GADL1: variants seen among roughly 807,000 people sequenced by gnomAD.
GADL1 encodes the protein acidic amino acid decarboxylase GADL1.
Under a neutral mutation model 69.5 loss-of-function variants are expected in GADL1, and 71 were observed. The observed-to-expected ratio is 1.02, with a 90% CI of 0.84 to 1.25. The LOEUF (loss-of-function observed/expected upper bound fraction) is 1.25. Among genes scored for constraint, GADL1 ranks in the 50% most tolerant of loss-of-function variants. The pLI, the probability that GADL1 is intolerant of heterozygous loss-of-function variation, is 0.00. For missense variants in GADL1, 737 were observed against 631.8 expected (o/e 1.17, Z -1.79); for synonymous variants, 254 against 214.4 (o/e 1.18, Z -1.62).
intron 14 of GADL1, among the ~76,000 whole-genome samples, chr3:30,754,696 GTTC>G (rs1695922715): frequency 6.6e-6 from 1 of 152,136 alleles, no homozygotes; most frequent in South Asian, 2.1e-4. Context: ...AAGAGCTCTG[GTTC>G]TTCTAAAAGC....
In GADL1 at chr3:30,844,193, G is replaced by T. The variant is rs1158771464; in HGVS notation, c.786+17C>A. On this transcript the variant is annotated intron_variant, in intron 8 of 14. Transcript: ENST00000282538. The stretch of plus-strand genomic sequence containing the variant: ...CACACACACGTTCTCTCTCCCTCTC[G>T]CTTTCTCCCCTCTCACCTCTTTTCT... 5.6e-6 allele frequency: 9 copies of T among 1,603,446 alleles called. No homozygotes were observed. The highest frequency in any genetic ancestry group is 7.7e-6 in the Non-Finnish European group (9 of 1,173,378).
rs1238699346 is a variant in GADL1, at chr3:30,792,475, A to AG, written c.1251-6070dup. Among the ~76,000 whole-genome samples the AG allele has an allele frequency of 2.4e-4, 36 of 152,094 alleles. 1 individual carries two copies. Among genetic ancestry groups the AG allele is most frequent in the Admixed American group, 2.0e-3 (30 of 15,262 alleles). ...GTGGTCCCAGCTACTCAGGAGGCTGAGGTAGGAAGGAGGATCACTTGAGCC... is the reference window on the plus strand; with the variant it reads ...GTGGTCCCAGCTACTCAGGAGGCTGAGGGTAGGAAGGAGGATCACTTGAGCC... On this transcript the variant is annotated intron_variant, in intron 12 of 14. Coordinates refer to ENST00000282538, the MANE Select transcript of GADL1 (RefSeq NM_207359.3).
intron 14 of GADL1, among the ~76,000 whole-genome samples, chr3:30,739,107 G>A (rs562180471): frequency 2.0e-5 from 3 of 152,170 alleles, no homozygotes; most frequent in Non-Finnish European, 4.4e-5. Flanking sequence ...ATTTTACATT[G>A]TAGAACCTGC....
intron 14 of GADL1, among the ~76,000 whole-genome samples, chr3:30,735,201 C>T (rs112948518): frequency 1.3e-5 from 2 of 148,228 alleles, no homozygotes; most frequent in African/African-American, 2.7e-5. Flanking sequence ...AGGGGTCACA[C>T]TATACAATTT....
chr3:30,828,658 ATAAAAT>A (rs1329503493), intron 11 of GADL1, among the ~76,000 whole-genome samples: 1 of 151,948 alleles, frequency 6.6e-6, no homozygotes, highest in Non-Finnish European at 1.5e-5. Flanking sequence ...ATGTCAATAG[ATAAAAT>A]TAGAAGGAAA....
At chr3:30,854,823 G>T in intron 3 of GADL1, 34 bp from the exon 4 acceptor site, 1 of 1,127,896 alleles carries the variant, frequency 8.9e-7, no homozygotes, top group Admixed American at 2.4e-5. Context: ...CATCTATGCA[G>T]CAATAAAAAA....
chr3:30,734,870 T>C (rs1181216188), intron 14 of GADL1, among the ~76,000 whole-genome samples: 1 of 152,190 alleles, frequency 6.6e-6, no homozygotes, highest in African/African-American at 2.4e-5. Context: ...TAGTCAATTT[T>C]GCTCCCCATT....
At chr3:30,859,484 A>C (rs1283365040) in intron 2 of GADL1, among the ~76,000 whole-genome samples, 2 of 151,842 alleles carry the variant, frequency 1.3e-5, no homozygotes, top group Non-Finnish European at 2.9e-5. Context: ...AGGGAAAGAA[A>C]ATCAGTGGTT....
chr3:30,760,278 T>A (rs1219688386), intron 14 of GADL1, among the ~76,000 whole-genome samples: 2 of 152,192 alleles, frequency 1.3e-5, no homozygotes, highest in African/African-American at 4.8e-5. Flanking sequence ...CATACCCCAG[T>A]TACTTACTGG....
intron 9 of GADL1, among the ~76,000 whole-genome samples, chr3:30,838,476 C>G (rs930229589): frequency 6.6e-6 from 1 of 152,016 alleles, no homozygotes; most frequent in African/African-American, 2.4e-5. Flanking sequence ...TCTGATAGAT[C>G]CAGAGAAAAT....
intron 12 of GADL1, among the ~76,000 whole-genome samples, chr3:30,787,814 T>C (rs1012752420): frequency 6.6e-6 from 1 of 152,170 alleles, no homozygotes; most frequent in Non-Finnish European, 1.5e-5. Context: ...ATGCAGACTA[T>C]AAAAACTGGA....
At chr3:30,833,539 A>AG (rs1697824658) in intron 11 of GADL1, among the ~76,000 whole-genome samples, 1 of 152,100 alleles carries the variant, frequency 6.6e-6, no homozygotes, top group East Asian at 1.9e-4. Context: ...TTAATCAAGG[A>AG]GAAAAAAATC....
intron 14 of GADL1, among the ~76,000 whole-genome samples, chr3:30,772,614 T>C (rs1696441619): frequency 6.6e-6 from 1 of 152,266 alleles, no homozygotes; most frequent in Non-Finnish European, 1.5e-5. Context: ...CGGTGGCTCA[T>C]GTCTGTAATC....
At chr3:30,806,353 TAA>T (rs1313035835) in intron 11 of GADL1, among the ~76,000 whole-genome samples, 1 of 152,188 alleles carries the variant, frequency 6.6e-6, no homozygotes, top group African/African-American at 2.4e-5. Flanking sequence ...ATGAAGGTGC[TAA>T]GTGTCTGGGT....
At position 30,753,642 on chromosome 3, in the gene GADL1, T is replaced by C. The variant is rs570066938; in HGVS notation, c.1392+24537A>G. 5.9e-5 allele frequency among the ~76,000 whole-genome samples: 9 copies of C among 152,344 alleles called. No homozygotes were observed. In the South Asian group the frequency reaches 1.7e-3, roughly 28 times the overall value. On this transcript the variant is annotated intron_variant, in intron 14 of 14. Coordinates refer to ENST00000282538, the MANE Select transcript of GADL1 (RefSeq NM_207359.3). Reference sequence around the variant, plus strand: ...TACAGTACTTAAGATCACTCTTGTTTACTTGCGGGATGTGGCTTAGAGAAT... The same window carrying C: ...TACAGTACTTAAGATCACTCTTGTTCACTTGCGGGATGTGGCTTAGAGAAT...
intron 14 of GADL1, among the ~76,000 whole-genome samples, chr3:30,774,068 T>C (rs1271269787): frequency 6.6e-6 from 1 of 152,120 alleles, no homozygotes; most frequent in South Asian, 2.1e-4. Context: ...TGGTAAGATA[T>C]GGTAAGATTT....
intron 1 of GADL1, among the ~76,000 whole-genome samples, chr3:30,864,033 A>G (rs1698359781): frequency 6.6e-6 from 1 of 152,048 alleles, no homozygotes; most frequent in African/African-American, 2.4e-5. Flanking sequence ...TCCAGCCCTC[A>G]CTTTCACATG....
intron 11 of GADL1, among the ~76,000 whole-genome samples, chr3:30,821,643 C>T (rs1697582341): frequency 6.6e-6 from 1 of 152,042 alleles, no homozygotes; most frequent in Non-Finnish European, 1.5e-5. Flanking sequence ...AATTAATTCA[C>T]AGGTTTAATA....
At chr3:30,836,850 A>G (rs991693233) in intron 9 of GADL1, among the ~76,000 whole-genome samples, 2 of 152,138 alleles carry the variant, frequency 1.3e-5, no homozygotes, top group Admixed American at 6.6e-5. Flanking sequence ...AAACTAGCAT[A>G]ACAATTGCCC....
Sources: gnomAD v4.1 joint callset for allele counts (sites outside exome capture counted in the v4.1 genomes callset) on GRCh38, gnomAD v4.1.1 for gene constraint, MANE v1.5 for transcripts, NCBI Gene and HGNC (gene_info 2026-07-23, HGNC 2026-07-21) for gene names.